Variants in BIRC6 observed in about 807,000 individuals in gnomAD.
BIRC6 encodes dual E2 ubiquitin-conjugating enzyme/E3 ubiquitin-protein ligase BIRC6.
BIRC6 carries 98 observed loss-of-function variants against 503.3 expected under a neutral mutation model. The ratio of observed to expected loss-of-function variants is 0.19; its 90% confidence interval spans 0.17 to 0.23. BIRC6 has a LOEUF of 0.23. Among genes scored for constraint, BIRC6 ranks in the 10% least tolerant of loss-of-function variants. The probability of loss-of-function intolerance (pLI) is 1.00; values close to 1 mark genes in which losing one functional copy is unlikely to be tolerated. For missense variants in BIRC6, 5,360 were observed against 5,806.0 expected (o/e 0.92, Z 2.50); for synonymous variants, 2,240 against 2,078.7 (o/e 1.08, Z -2.11).
intron 8 of BIRC6, among the ~76,000 whole-genome samples, chr2:32,402,011 C>T (rs2040656518): frequency 1.3e-5 from 2 of 152,178 alleles, no homozygotes; most frequent in Admixed American, 6.5e-5. Flanking sequence ...TTCATTAGCA[C>T]CTCAAATTAT....
Position 32,499,671 on chromosome 2 carries a change from T to C in BIRC6, c.8593T>C (p.Phe2865Leu), listed in dbSNP as rs762288702. The C allele has an allele frequency of 1.1e-5, 18 of 1,613,796 alleles. No individual in the cohort carries two copies. In the Admixed American group the frequency reaches 3.0e-4, roughly 27 times the overall value. ...TISAVIESVT[F>L]LVHHYITCSD... The stretch of plus-strand genomic sequence containing the variant: ...TTCTGCCGTGATAGAATCGGTTACA[T>C]TTTTAGTGCACCACTATATCACTTG... The change falls in exon 46 of 74, where the codon TTT (phenylalanine) becomes CTT (leucine). Residue 2865 changes from phenylalanine (F) to leucine (L), a missense_variant. This residue lies in a region of BIRC6 where 2,299 missense variants were observed against 2,267.2 expected (regional missense o/e 1.01). Coordinates refer to ENST00000421745, the MANE Select transcript of BIRC6 (RefSeq NM_016252.4).
chr2:32,562,934 A>G (rs2059295800), intron 65 of BIRC6, among the ~76,000 whole-genome samples: 2 of 152,182 alleles, frequency 1.3e-5, no homozygotes, highest in Non-Finnish European at 2.9e-5. Context: ...GTTTTGTTTC[A>G]CTGATCTATT....
At chr2:32,534,618 C>T (rs1285525467) in intron 61 of BIRC6, among the ~76,000 whole-genome samples, 1 of 149,782 alleles carries the variant, frequency 6.7e-6, no homozygotes, top group Non-Finnish European at 1.5e-5. Context: ...GTAATCCCAG[C>T]TACTCGGGAG....
intron 3 of BIRC6, among the ~76,000 whole-genome samples, chr2:32,387,256 G>C (rs1300502158): frequency 6.7e-6 from 1 of 149,646 alleles, no homozygotes; most frequent in Non-Finnish European, 1.5e-5. Context: ...AAAAAGCTCT[G>C]ATCTGTGAAC....
At position 32,388,805 on chromosome 2, in the gene BIRC6, C is replaced by G; in HGVS notation, c.701C>G (p.Ala234Gly). 1.2e-6 allele frequency: 2 copies of G among 1,612,728 alleles called. No homozygotes were observed. Among genetic ancestry groups the G allele is most frequent in the Non-Finnish European group, 1.7e-6 (2 of 1,179,356 alleles). ...PHHVLKSIAS[A>G]IVNELKKINQ... ...CATGTGTTGAAGTCCATTGCCAGTGCCATTGTAAATGAACTCAAGAAAATA... is the reference window on the plus strand; with the variant it reads ...CATGTGTTGAAGTCCATTGCCAGTGGCATTGTAAATGAACTCAAGAAAATA... Residue 234 changes from alanine to glycine, a missense_variant, in exon 4 of 74, where the codon GCC (alanine) becomes GGC (glycine). Transcript: ENST00000421745.
In BIRC6 at chr2:32,416,012, T is replaced by C; in HGVS notation, c.2721T>C (p.Thr907=). 6.2e-7 allele frequency: 1 copy of C among 1,613,922 alleles called. No individual in the cohort carries two copies. Among genetic ancestry groups the C allele is most frequent in the East Asian group, 2.2e-5 (1 of 44,878 alleles). The stretch of plus-strand genomic sequence containing the variant: ...CTCTTGGACACCTGGTAATAACCAC[T>C]CAGGGAGGATATGTAAAAATACTAG... The part of the protein sequence containing the change: ...ISTLGHLVIT[T]QGGYVKILDL... Residue 907 remains threonine (T), a synonymous_variant, in exon 10 of 74, where the codon ACT becomes ACC. Transcript: ENST00000421745.
At chr2:32,558,689 T>C (rs1391381086) in intron 65 of BIRC6, 1 of 152,222 alleles carries the variant, frequency 6.6e-6, no homozygotes, top group Non-Finnish European at 1.5e-5. Context: ...TTATCAGATA[T>C]GTTGCTTTAG....
rs10528992 is a variant in BIRC6, at chr2:32,508,276, C to CTTTTTTTTTTTTT, written c.9980+32_9980+44dup. 9.4e-5 allele frequency: 81 copies of CTTTTTTTTTTTTT among 864,838 alleles called. 1 individual carries two copies. The African/African-American group carries it at 1.1e-3, about 12-fold the overall frequency. The allele number at this position is 864,838 out of a possible 1,614,324, so 53.6% of individuals were successfully genotyped here. ...CAAAACAAGGTATGTTTTGTTTGTCCTTTTTTTTTTTTTTTTTTTTTTTTT... is the reference window on the plus strand; with the variant it reads ...CAAAACAAGGTATGTTTTGTTTGTCCTTTTTTTTTTTTTTTTTTTTTTTTTTTTTTTTTTTTTT... On this transcript the variant is annotated intron_variant, in intron 51 of 73. Transcript: ENST00000421745.
At chr2:32,423,506 A>G (rs945181708) in intron 10 of BIRC6, among the ~76,000 whole-genome samples, 4 of 152,136 alleles carry the variant, frequency 2.6e-5, no homozygotes, top group Non-Finnish European at 5.9e-5. Context: ...CTACTTCTGT[A>G]TGACTTTGCT....
At chr2:32,404,242 T>A (rs991434466) in intron 8 of BIRC6, among the ~76,000 whole-genome samples, 4 of 152,204 alleles carry the variant, frequency 2.6e-5, no homozygotes, top group Non-Finnish European at 5.9e-5. Flanking sequence ...TGTGATTTTT[T>A]AAAAAGTTTT....
chr2:32,607,925 C>T (rs112661913), intron 72 of BIRC6, among the ~76,000 whole-genome samples: 5,014 of 129,962 alleles, frequency 0.039, 131 homozygotes, highest in African/African-American at 0.083. Flanking sequence ...AGAGCTGAGA[C>T]TGCACCACTG....
intron 42 of BIRC6, 91 bp from the exon 43 acceptor site, chr2:32,489,950 A>T: frequency 1.2e-6 from 1 of 864,622 alleles, no homozygotes; most frequent in Non-Finnish European, 1.9e-6. Context: ...TTAAAGAAAT[A>T]GTGTCTTGTT....
chr2:32,521,365 CAAAAAAAAAAAAAA>C (rs35410265), intron 57 of BIRC6, among the ~76,000 whole-genome samples: 2 of 21,506 alleles, frequency 9.3e-5, no homozygotes, highest in Non-Finnish European at 1.6e-4. Flanking sequence ...GACCTCATCT[CAAAAAAAAAAAAAA>C]AAAAAAAAAA....
intron 57 of BIRC6, among the ~76,000 whole-genome samples, chr2:32,520,544 T>G (rs1447042259): frequency 1.3e-5 from 2 of 152,154 alleles, no homozygotes; most frequent in Non-Finnish European, 2.9e-5. Flanking sequence ...TGGGCCAGGC[T>G]TGTTGGCTCA....
Position 32,468,050 on chromosome 2 carries a change from C to G in BIRC6, c.5719C>G (p.Gln1907Glu). Residue 1907 changes from glutamine (Q) to glutamate (E), a missense_variant, in exon 28 of 74, where the codon CAG becomes GAG. This residue lies in a region of BIRC6 where 2,299 missense variants were observed against 2,267.2 expected (regional missense o/e 1.01). Transcript: ENST00000421745. ...PLKGEGESAN[Q>E]PEIDQHLAMM... ...AAAGGGAGAGGGAGAATCTGCAAAC[C>G]AGCCAGAAATTGACCAGCATTTAGC... 1 of 1,613,894 alleles carries G rather than the reference C, an allele frequency of 6.2e-7. No individual in the cohort carries two copies. The highest frequency in any genetic ancestry group is 8.5e-7 in the Non-Finnish European group (1 of 1,179,868).
chr2:32,580,305 A>C (rs997699490), intron 66 of BIRC6, among the ~76,000 whole-genome samples: 1 of 152,194 alleles, frequency 6.6e-6, no homozygotes, highest in East Asian at 1.9e-4. Context: ...AGTAGAATTC[A>C]AGACACTACA....
At chr2:32,486,990 C>T (rs572537554) in intron 40 of BIRC6, among the ~76,000 whole-genome samples, 3 of 151,288 alleles carry the variant, frequency 2.0e-5, no homozygotes, top group Non-Finnish European at 2.9e-5. Context: ...AATATCTTTT[C>T]GTAATTCTGA....
At chr2:32,483,576 T>C (rs2050656769) in intron 39 of BIRC6, among the ~76,000 whole-genome samples, 1 of 152,226 alleles carries the variant, frequency 6.6e-6, no homozygotes, top group Non-Finnish European at 1.5e-5. Flanking sequence ...TAATGTTCCT[T>C]ATGCACAAGA....
chr2:32,377,524 C>A, intron 1 of BIRC6, 64 bp from the exon 2 acceptor site: 2 of 1,324,384 alleles, frequency 1.5e-6, no homozygotes, highest in Non-Finnish European at 1.0e-6. Flanking sequence ...ACTATGTAAA[C>A]ATTTATTTTT....
Sources: allele counts gnomAD v4.1 joint callset (sites outside exome capture counted in the v4.1 genomes callset), GRCh38; gene constraint gnomAD v4.1.1; regional missense constraint gnomAD v4.1.1; transcripts MANE v1.5; gene names NCBI Gene and HGNC (gene_info 2026-07-23, HGNC 2026-07-21).